The following TGIF1 variants were observed in gnomAD, a reference collection of about 807,000 sequenced individuals.
The protein encoded by TGIF1 is homeobox protein TGIF1.
A neutral mutation model predicts 19.3 loss-of-function variants in TGIF1; 4 were observed. The observed-to-expected ratio is 0.21, with a 90% CI of 0.10 to 0.47. The LOEUF (loss-of-function observed/expected upper bound fraction) is 0.47. Ranked by LOEUF, TGIF1 falls within the 20% of genes least tolerant of loss-of-function variation. The pLI is 0.98. For missense variants in TGIF1, 275 were observed against 341.4 expected (o/e 0.81, Z 1.53); for synonymous variants, 122 against 129.3 (o/e 0.94, Z 0.38).
chr18:3,438,158 G>T (rs2082638296), intron 2 of TGIF1, among the ~76,000 whole-genome samples: 1 of 151,682 alleles, frequency 6.6e-6, no homozygotes, highest in Non-Finnish European at 1.5e-5. Flanking sequence ...TTTCCATAAA[G>T]AAGCTGATAG....
intron 2 of TGIF1, among the ~76,000 whole-genome samples, chr18:3,444,746 A>G (rs576438906): frequency 6.6e-6 from 1 of 152,330 alleles, no homozygotes; most frequent in Non-Finnish European, 1.5e-5. Context: ...ATTTTTTAAA[A>G]ATAAAAAAAC....
Position 3,433,913 on chromosome 18 carries a change from C to G in TGIF1, c.-45+15698C>G, listed in dbSNP as rs79962318. On this transcript the variant is annotated intron_variant, in intron 2 of 3. Transcript: ENST00000401449. Reference sequence around the variant, plus strand: ...TGTGTAGTATATTGTACCACATATACAAAAAAAGTAAATGAGGGTTCACAG... The same window carrying G: ...TGTGTAGTATATTGTACCACATATAGAAAAAAAGTAAATGAGGGTTCACAG... 7.1e-3 allele frequency among the ~76,000 whole-genome samples: 1,085 copies of G among 152,104 alleles called. 5 individuals carry two copies. The highest frequency in any genetic ancestry group is 0.011 in the Non-Finnish European group (759 of 68,006).
At chr18:3,424,889 C>G (rs1454761212) in intron 2 of TGIF1, among the ~76,000 whole-genome samples, 1 of 152,218 alleles carries the variant, frequency 6.6e-6, no homozygotes, top group Non-Finnish European at 1.5e-5. Context: ...CTATGCATCT[C>G]TTCCATCTGG....
intron 1 of TGIF1, among the ~76,000 whole-genome samples, chr18:3,450,835 T>C (rs1399520775): frequency 6.6e-6 from 1 of 152,104 alleles, no homozygotes; most frequent in Non-Finnish European, 1.5e-5. Context: ...GGCTTCTCGC[T>C]CTTTCTCGCG....
Position 3,450,215 on chromosome 18 carries a change from AG to A in TGIF1, c.-273del. 7.1e-7 allele frequency: 1 copy of A among 1,400,816 alleles called. No individual in the cohort carries two copies. Among genetic ancestry groups the A allele is most frequent in the South Asian group, 1.6e-5 (1 of 64,198 alleles). The allele number at this position is 1,400,816 out of a possible 1,614,324, so 86.8% of individuals were successfully genotyped here. On this transcript the variant is annotated 5_prime_UTR_variant, in exon 1 of 3. Transcript: ENST00000343820. ...TGCGCCGAGCAGGAGCAGGGAACAA[AG>A]GAGCGGAGAGGGGAGGGGAGAGAGT...
In TGIF1 at chr18:3,451,125, GTC is replaced by G. The variant is rs1457252491; in HGVS notation, c.16+624_16+625del. ...AAAGCTAGACTTTTACAAATCCCCA[GTC>G]TCTAAAAGTTTTCCCACGATGAATT... On this transcript the variant is annotated intron_variant, in intron 1 of 2. Coordinates refer to ENST00000343820, the MANE Select transcript of TGIF1 (RefSeq NM_003244.4). The surrounding 1 kb of genome is among the most constrained non-coding windows in gnomAD (Gnocchi z 5.4). 5.9e-5 allele frequency among the ~76,000 whole-genome samples: 9 copies of G among 151,262 alleles called. No homozygotes were observed. Among genetic ancestry groups the G allele is most frequent in the African/African-American group, 1.9e-4 (8 of 41,128 alleles).
chr18:3,454,667 T>A (rs1249415841), intron 1 of TGIF1, among the ~76,000 whole-genome samples: 2 of 152,218 alleles, frequency 1.3e-5, no homozygotes, highest in African/African-American at 4.8e-5. Context: ...TGGGCACTTT[T>A]AAAAACCTTT....
intron 2 of TGIF1, among the ~76,000 whole-genome samples, chr18:3,441,743 A>G (rs1479701848): frequency 6.6e-6 from 1 of 152,196 alleles, no homozygotes; most frequent in African/African-American, 2.4e-5. Context: ...AAGGTAGTCA[A>G]TTATCCCAAT....
At chr18:3,422,980 C>T (rs1039245853) in intron 2 of TGIF1, among the ~76,000 whole-genome samples, 7 of 152,176 alleles carry the variant, frequency 4.6e-5, no homozygotes, top group Admixed American at 2.6e-4. Flanking sequence ...TGAGCCACCG[C>T]GCCCAGGCTT....
At position 3,450,583 on chromosome 18, in the gene TGIF1, TC is replaced by T. The variant is rs2082877769; in HGVS notation, c.16+79del. ...GCTGGCCGGGCCGCGCCGCGCGGAG[TC>T]ACTTGGTGGACTTTTCCGCCCAGGG... On this transcript the variant is annotated intron_variant, in intron 1 of 2. Coordinates refer to ENST00000343820, the MANE Select transcript of TGIF1 (RefSeq NM_003244.4). 3 of 1,547,584 alleles carry T rather than the reference TC, an allele frequency of 1.9e-6. No homozygotes were observed. In the South Asian group the frequency reaches 3.6e-5, roughly 18 times the overall value.
At chr18:3,438,719 G>C (rs2082646409) in intron 2 of TGIF1, among the ~76,000 whole-genome samples, 1 of 152,088 alleles carries the variant, frequency 6.6e-6, no homozygotes, top group South Asian at 2.1e-4. Flanking sequence ...CTCAAAGTGA[G>C]ATACTGATTT....
upstream of TGIF1, among the ~76,000 whole-genome samples, chr18:3,445,247 G>T (rs911143033): frequency 6.6e-6 from 1 of 152,154 alleles, no homozygotes; most frequent in Non-Finnish European, 1.5e-5. Context: ...GGATCAACAA[G>T]TGGTGAAGGA....
At chr18:3,447,362 A>T (rs1302724859), upstream of TGIF1, among the ~76,000 whole-genome samples, 1 of 150,594 alleles carries the variant, frequency 6.6e-6, no homozygotes, top group African/African-American at 2.4e-5. Flanking sequence ...AAAGCACTGG[A>T]AAGAATCTTA....
intron 2 of TGIF1, among the ~76,000 whole-genome samples, chr18:3,428,517 C>T (rs1045732428): frequency 5.3e-5 from 8 of 151,962 alleles, no homozygotes; most frequent in African/African-American, 1.9e-4. Flanking sequence ...GCGGGCAGAT[C>T]ATGAGGTCGG....
intron 2 of TGIF1, among the ~76,000 whole-genome samples, chr18:3,426,941 G>T (rs1598863030): frequency 8.7e-6 from 1 of 114,808 alleles, no homozygotes; most frequent in Non-Finnish European, 1.7e-5. Flanking sequence ...TTTTTTTTTG[G>T]AGACGGAGTT....
At chr18:3,445,265 G>A (rs370710481), upstream of TGIF1, among the ~76,000 whole-genome samples, 3 of 152,106 alleles carry the variant, frequency 2.0e-5, no homozygotes, top group Non-Finnish European at 2.9e-5. Flanking sequence ...GGAACATCCC[G>A]GGCAGAGGGG....
chr18:3,450,065 TGGAAGGTGCGG>T, upstream of TGIF1: 1 of 1,015,708 alleles, frequency 9.8e-7, no homozygotes, highest in Non-Finnish European at 1.2e-6. Flanking sequence ...TCTTCCCGGC[TGGAAGGTGCGG>T]GGGAGGGGCG....
intron 2 of TGIF1, among the ~76,000 whole-genome samples, chr18:3,425,734 C>G (rs934584114): frequency 2.0e-5 from 3 of 152,166 alleles, no homozygotes; most frequent in African/African-American, 7.2e-5. Flanking sequence ...CCCCTAACCT[C>G]CAGGCATGCT....
At chr18:3,450,840 C>G (rs527872627) in intron 1 of TGIF1, among the ~76,000 whole-genome samples, 23 of 152,270 alleles carry the variant, frequency 1.5e-4, no homozygotes, top group African/African-American at 5.5e-4. Flanking sequence ...CTCGCTCTTT[C>G]TCGCGTGCTG....
Sources: gnomAD v4.1 joint callset for allele counts (sites outside exome capture counted in the v4.1 genomes callset) on GRCh38, gnomAD v4.1.1 for gene constraint, Gnocchi (gnomAD v3.1) non-coding constraint, MANE v1.5 for transcripts, NCBI Gene and HGNC (gene_info 2026-07-23, HGNC 2026-07-21) for gene names.